The following ALCAM variants were observed in gnomAD, a reference collection of about 807,000 sequenced individuals.
ALCAM encodes the protein CD166 antigen.
ALCAM carries 30 observed loss-of-function variants against 70.9 expected under a neutral mutation model. The ratio of observed to expected loss-of-function variants is 0.42; its 90% CI spans 0.32 to 0.57. The LOEUF is 0.57. ALCAM is among the 20% of genes least tolerant of loss of function. The pLI is 0.11. For synonymous variants in ALCAM, 249 were observed against 242.5 expected, an observed-to-expected ratio of 1.03 and a Z score of -0.25; for missense variants, 591 against 695.1, an observed-to-expected ratio of 0.85 and a Z score of 1.68.
intron 1 of ALCAM, among the ~76,000 whole-genome samples, chr3:105,457,681 C>A (rs1937552577): frequency 6.6e-6 from 1 of 152,026 alleles, no homozygotes; most frequent in Non-Finnish European, 1.5e-5. Context: ...GAACTGCTGC[C>A]CATATGCTGG....
chr3:105,511,141 A>C (rs1939224738), intron 1 of ALCAM, among the ~76,000 whole-genome samples: 1 of 152,050 alleles, frequency 6.6e-6, no homozygotes, highest in Non-Finnish European at 1.5e-5. Flanking sequence ...ATGAAAAGTT[A>C]TTGTTAAAAT....
intron 3 of ALCAM, among the ~76,000 whole-genome samples, chr3:105,530,972 C>T (rs1939824545): frequency 6.6e-6 from 1 of 151,744 alleles, no homozygotes; most frequent in Non-Finnish European, 1.5e-5. Context: ...GTTTGGTAAT[C>T]AAAATTAAAA....
chr3:105,427,064 A>G (rs562837927), intron 1 of ALCAM, among the ~76,000 whole-genome samples: 1 of 151,900 alleles, frequency 6.6e-6, no homozygotes, highest in Non-Finnish European at 1.5e-5. Context: ...GGGGAAAAAA[A>G]GGAAATCTTT....
chr3:105,570,009 A>G (rs998035738), intron 14 of ALCAM, among the ~76,000 whole-genome samples: 1 of 152,188 alleles, frequency 6.6e-6, no homozygotes, highest in African/African-American at 2.4e-5. Context: ...AGAATTGTGT[A>G]ATCAGCCCCT....
At chr3:105,552,247 T>C in intron 13 of ALCAM, 65 bp downstream of exon 13, 1 of 1,476,466 alleles carries the variant, frequency 6.8e-7, no homozygotes, top group Non-Finnish European at 9.2e-7. Flanking sequence ...AGTGTCATGG[T>C]ATAAGTAATT....
At chr3:105,494,853 A>G (rs1938693573) in intron 1 of ALCAM, among the ~76,000 whole-genome samples, 1 of 151,934 alleles carries the variant, frequency 6.6e-6, no homozygotes, top group Non-Finnish European at 1.5e-5. Flanking sequence ...TAGAGATGGA[A>G]TCTTGCCATG....
intron 1 of ALCAM, among the ~76,000 whole-genome samples, chr3:105,460,126 G>A (rs1423286122): frequency 2.0e-5 from 3 of 151,972 alleles, no homozygotes; most frequent in African/African-American, 4.8e-5. Context: ...TCTCTGGTAT[G>A]ACTAATTGAG....
chr3:105,444,119 G>A (rs1937241500), intron 1 of ALCAM, among the ~76,000 whole-genome samples: 1 of 152,110 alleles, frequency 6.6e-6, no homozygotes, highest in Non-Finnish European at 1.5e-5. Context: ...AATGGAGGTG[G>A]TTATGTTTCC....
intron 1 of ALCAM, among the ~76,000 whole-genome samples, chr3:105,424,120 G>A (rs972352583): frequency 1.5e-4 from 23 of 151,454 alleles, no homozygotes; most frequent in Non-Finnish European, 3.4e-4. Context: ...TCTCCATTTT[G>A]TAATTTCCTT....
At chr3:105,401,998 A>C (rs1936101662) in intron 1 of ALCAM, among the ~76,000 whole-genome samples, 1 of 152,156 alleles carries the variant, frequency 6.6e-6, no homozygotes, top group African/African-American at 2.4e-5. Context: ...AAAAACAGAG[A>C]AGAAAAATAG....
At chr3:105,405,150 G>T (rs1314673649) in intron 1 of ALCAM, among the ~76,000 whole-genome samples, 3 of 151,818 alleles carry the variant, frequency 2.0e-5, no homozygotes, top group Admixed American at 6.6e-5. Flanking sequence ...GGTGGCACAT[G>T]CCTGTAATCC....
chr3:105,520,057 T>A lies in ALCAM; in HGVS notation c.74-10T>A. On this transcript the variant is annotated splice_polypyrimidine_tract_variant and intron_variant, in intron 1 of 15. Coordinates refer to ENST00000306107, the MANE Select transcript of ALCAM (RefSeq NM_001627.4). ...TTTCTCTCTTCTTCCTTTTTTTTTT[T>A]CCCCCAAAGGCCTTGGATGGTATAC... 6.8e-7 allele frequency: 1 copy of A among 1,463,246 alleles called. No individual in the cohort carries two copies. Among genetic ancestry groups the A allele is most frequent in the East Asian group, 2.4e-5 (1 of 42,238 alleles). 90.6% of individuals were successfully genotyped at this position (1,463,246 alleles called of 1,614,324 possible). A position where few individuals can be genotyped will look rare whatever the true frequency, so the allele number is the denominator to read the frequency against.
chr3:105,527,895 A>G (rs1026248772), intron 3 of ALCAM, among the ~76,000 whole-genome samples: 1 of 150,472 alleles, frequency 6.6e-6, no homozygotes, highest in Non-Finnish European at 1.5e-5. Flanking sequence ...CATTCAACCT[A>G]AAAGTAAAAT....
chr3:105,551,318 C>T (rs1353597202), intron 12 of ALCAM, among the ~76,000 whole-genome samples: 1 of 151,632 alleles, frequency 6.6e-6, no homozygotes, highest in Non-Finnish European at 1.5e-5. Flanking sequence ...TTCCTGAACA[C>T]AAGTTTCTCT....
intron 1 of ALCAM, among the ~76,000 whole-genome samples, chr3:105,510,386 A>T (rs1253836416): frequency 6.6e-6 from 1 of 152,068 alleles, no homozygotes; most frequent in Non-Finnish European, 1.5e-5. Context: ...ACAGCTGGTA[A>T]AAGTGTAACC....
chr3:105,382,850 A>G (rs902365428), intron 1 of ALCAM, among the ~76,000 whole-genome samples: 1 of 151,986 alleles, frequency 6.6e-6, no homozygotes, highest in African/African-American at 2.4e-5. Context: ...GCCCTTTGTC[A>G]GATGAATCAA....
chr3:105,417,451 A>G (rs1936534339), intron 1 of ALCAM, among the ~76,000 whole-genome samples: 1 of 151,298 alleles, frequency 6.6e-6, no homozygotes, highest in South Asian at 2.1e-4. Context: ...TGTATTATAT[A>G]TATTATATAA....
In ALCAM at chr3:105,468,260, G is replaced by A. The variant is rs910466666; in HGVS notation, c.74-51807G>A. On this transcript the variant is annotated intron_variant, in intron 1 of 15. Transcript: ENST00000306107. ...ACCAAGATAAATAATTATACAATAT[G>A]TAATAAAGCCACCTTGTTAATTGCC... Among the ~76,000 whole-genome samples, 4 of 151,334 alleles carry A rather than the reference G, an allele frequency of 2.6e-5. No homozygotes were observed. The South Asian group carries it at 6.2e-4, about 24-fold the overall frequency.
chr3:105,446,290 A>T (rs1937295390), intron 1 of ALCAM, among the ~76,000 whole-genome samples: 1 of 152,108 alleles, frequency 6.6e-6, no homozygotes. Context: ...CCTCACTCTG[A>T]TTAGAATGAC....
Sources: gnomAD v4.1 joint callset for allele counts (sites outside exome capture counted in the v4.1 genomes callset) on GRCh38, gnomAD v4.1.1 for gene constraint, MANE v1.5 for transcripts, NCBI Gene and HGNC (gene_info 2026-07-23, HGNC 2026-07-21) for gene names.